The following FAM133A variants were observed in gnomAD, a reference collection of about 807,000 sequenced individuals.
FAM133A encodes family with sequence similarity 133 member A, also known as protein FAM133A.
For missense variants in FAM133A, 159 were observed against 164.4 expected (o/e 0.97, Z 0.18); for synonymous variants, 65 against 58.6 (o/e 1.11, Z -0.50).
chrX:93,701,152 T>C (rs2147650266), intron 3 of FAM133A, among the ~76,000 whole-genome samples: 1 of 111,969 alleles, frequency 8.9e-6, no homozygotes, highest in African/African-American at 3.2e-5. Context: ...TATGGTCCTC[T>C]ACTATAAAAT....
At chrX:93,676,926 CT>C (rs58826696) in intron 2 of FAM133A, among the ~76,000 whole-genome samples, 9 of 101,067 alleles carry the variant, frequency 8.9e-5, no homozygotes, top group South Asian at 4.6e-4. Flanking sequence ...TTTTTGTAGC[CT>C]TTTTTTTTTT....
chrX:93,680,321 T>TGGTATGTATCC (rs1925046217), intron 2 of FAM133A, among the ~76,000 whole-genome samples: 2 of 111,647 alleles, frequency 1.8e-5, no homozygotes, highest in African/African-American at 6.5e-5. Flanking sequence ...ATACATACCA[T>TGGTATGTATCC]ATTTTCTTTA....
At chrX:93,680,503 T>A (rs1005268792) in intron 2 of FAM133A, among the ~76,000 whole-genome samples, 1 of 111,392 alleles carries the variant, frequency 9.0e-6, no homozygotes, top group African/African-American at 3.3e-5. Context: ...ATTCTTACAG[T>A]AGTTTTGAGG....
chrX:93,675,667 A>T (rs1193414327), intron 2 of FAM133A, among the ~76,000 whole-genome samples: 1 of 111,190 alleles, frequency 9.0e-6, no homozygotes, highest in East Asian at 2.8e-4. Flanking sequence ...ATATTGCCAA[A>T]CTCTCTGCAG....
chrX:93,695,796 C>A (rs1190504372), intron 2 of FAM133A, among the ~76,000 whole-genome samples: 2 of 108,457 alleles, frequency 1.8e-5, no homozygotes, highest in African/African-American at 3.4e-5. Context: ...CGCCCGCCAC[C>A]ACGCCTGGCT....
intron 3 of FAM133A, among the ~76,000 whole-genome samples, chrX:93,707,743 A>G (rs767897121): frequency 5.4e-5 from 6 of 110,763 alleles, no homozygotes; most frequent in Non-Finnish European, 9.5e-5. Context: ...TCTCCAGGAC[A>G]CTCCCTCTGA....
intron 2 of FAM133A, among the ~76,000 whole-genome samples, chrX:93,695,086 G>C (rs1411187679): frequency 1.8e-5 from 2 of 111,087 alleles, no homozygotes; most frequent in Non-Finnish European, 3.8e-5. Flanking sequence ...TATATAGAAG[G>C]GCATGTTGGT....
intron 3 of FAM133A, among the ~76,000 whole-genome samples, chrX:93,701,829 A>C (rs976146281): frequency 8.9e-6 from 1 of 111,902 alleles, no homozygotes; most frequent in Non-Finnish European, 1.9e-5. Flanking sequence ...CTTCTTGGCT[A>C]GGGTAAAGTG....
chrX:93,685,303 G>GA (rs757493124), intron 2 of FAM133A, among the ~76,000 whole-genome samples: 131 of 111,430 alleles, frequency 1.2e-3, no homozygotes, highest in African/African-American at 3.9e-3. Context: ...ACTCTTGTAG[G>GA]AAAAAACTTG....
At chrX:93,704,142 A>G (rs1438725818) in intron 3 of FAM133A, among the ~76,000 whole-genome samples, 1 of 111,714 alleles carries the variant, frequency 9.0e-6, no homozygotes. Context: ...ATTTCCTGGA[A>G]ATTAATATAT....
intron 2 of FAM133A, among the ~76,000 whole-genome samples, chrX:93,686,654 A>G (rs1298616070): frequency 8.9e-6 from 1 of 112,078 alleles, no homozygotes; most frequent in Non-Finnish European, 1.9e-5. Flanking sequence ...TGAGGCTGAG[A>G]TAAACTGGAA....
chrX:93,686,387 A>G (rs946058615), intron 2 of FAM133A, among the ~76,000 whole-genome samples: 1 of 112,142 alleles, frequency 8.9e-6, no homozygotes, highest in Non-Finnish European at 1.9e-5. Flanking sequence ...TCACAAATAC[A>G]AAGTCTTCTT....
At position 93,674,765 on chromosome X, in the gene FAM133A, T is replaced by A. The variant is rs1245035465; in HGVS notation, c.-193+13T>A. On this transcript the variant is annotated intron_variant, in intron 2 of 3. Transcript: ENST00000683942. Reference sequence around the variant, plus strand: ...TTTTCATTGAAAGGTAAGGATCATATTTAGCACATTTTAAAGAATGACAAA... The same window carrying A: ...TTTTCATTGAAAGGTAAGGATCATAATTAGCACATTTTAAAGAATGACAAA... The A allele has an allele frequency of 2.7e-5, 3 of 111,746 alleles. No homozygotes were observed. Among genetic ancestry groups the A allele is most frequent in the African/African-American group, 9.8e-5 (3 of 30,701 alleles). 9.2% of individuals were successfully genotyped at this position (111,746 alleles called of 1,213,427 possible).
At chrX:93,698,139 C>T (rs1343500891) in intron 2 of FAM133A, among the ~76,000 whole-genome samples, 1 of 110,842 alleles carries the variant, frequency 9.0e-6, no homozygotes, top group African/African-American at 3.3e-5. Context: ...AGGGAGCAAT[C>T]TATAGTTATT....
intron 2 of FAM133A, among the ~76,000 whole-genome samples, chrX:93,680,990 A>G (rs746525819): frequency 1.4e-4 from 15 of 111,030 alleles, no homozygotes; most frequent in Admixed American, 1.1e-3. Flanking sequence ...CTAGTTTTGA[A>G]TGTACAAACA....
chrX:93,677,588 C>A (rs1047981607), intron 2 of FAM133A, among the ~76,000 whole-genome samples: 1 of 111,584 alleles, frequency 9.0e-6, no homozygotes, highest in Non-Finnish European at 1.9e-5. Flanking sequence ...GCCTTTGAAT[C>A]CCTCCTCTTG....
chrX:93,709,432 G>A lies in FAM133A; in HGVS notation c.13G>A (p.Asp5Asn). ...AACATCAGGCACCATGGGGAAGCGGGATAATCGGGTAGCCTATATGAATCC... is the reference window on the plus strand; with the variant it reads ...AACATCAGGCACCATGGGGAAGCGGAATAATCGGGTAGCCTATATGAATCC... MGKR[D>N]NRVAYMNPIA... is the part of the protein sequence containing the mutation. The change falls in exon 4 of 4, where the codon GAT becomes AAT. Residue 5 changes from aspartate (D) to asparagine (N), a missense_variant. Asp to Asn is a conservative substitution (Grantham distance 23). Transcript: ENST00000683942. 4 of 1,162,260 alleles carry A rather than the reference G, an allele frequency of 3.4e-6. No homozygotes were observed. The highest frequency in any genetic ancestry group is 4.6e-6 in the Non-Finnish European group (4 of 876,660).
At chrX:93,703,319 A>G (rs1275015804) in intron 3 of FAM133A, among the ~76,000 whole-genome samples, 2 of 111,989 alleles carry the variant, frequency 1.8e-5, no homozygotes, top group Non-Finnish European at 3.8e-5. Context: ...CATGATGCCT[A>G]CTTGTAATGT....
chrX:93,696,953 G>A (rs1399642174), intron 2 of FAM133A, among the ~76,000 whole-genome samples: 1 of 109,278 alleles, frequency 9.2e-6, no homozygotes, highest in Non-Finnish European at 1.9e-5. Flanking sequence ...GTGTAGGCTA[G>A]GGTTACAACC....
Sources: allele counts gnomAD v4.1 joint callset (sites outside exome capture counted in the v4.1 genomes callset), GRCh38; gene constraint gnomAD v4.1.1; transcripts MANE v1.5; gene names NCBI Gene and HGNC (gene_info 2026-07-23, HGNC 2026-07-21).